PHF14: variants seen among roughly 807,000 people sequenced by gnomAD.
PHF14 encodes PHD finger protein 14.
Under a neutral mutation model 117.9 loss-of-function variants are expected in PHF14, and 55 were observed. The observed-to-expected ratio is 0.47, with a 90% CI of 0.38 to 0.58. The LOEUF (loss-of-function observed/expected upper bound fraction) is 0.58. Ranked by LOEUF, PHF14 falls within the 20% of genes least tolerant of loss-of-function variation. The probability of loss-of-function intolerance (pLI) is 0.00; values close to 1 mark genes in which losing one functional copy is unlikely to be tolerated. For missense variants in PHF14, 978 were observed against 1,122.2 expected, an observed-to-expected ratio of 0.87 and a Z score of 1.84; for synonymous variants, 409 against 368.6, an observed-to-expected ratio of 1.11 and a Z score of -1.26.
At position 11,133,390 on chromosome 7, in the gene PHF14, C is replaced by T. The variant is rs556396339; in HGVS notation, c.2772+21923C>T. On this transcript the variant is annotated intron_variant, in intron 17 of 17. Coordinates refer to ENST00000634607, the MANE Select transcript of PHF14 (RefSeq NM_001007157.2). ...CAGAATAGAGAGCCCAGAGATAGAC[C>T]CACATAAGTATAGTTAACTGATACT... Among the ~76,000 whole-genome samples, 7 of 151,862 alleles carry T rather than the reference C, an allele frequency of 4.6e-5. No homozygotes were observed. The South Asian group carries it at 1.5e-3, about 32-fold the overall frequency.
intron 7 of PHF14, 50 bp downstream of exon 7, chr7:11,028,868 T>G (rs757894432): frequency 2.0e-6 from 3 of 1,484,476 alleles, no homozygotes; most frequent in Non-Finnish European, 2.8e-6. Flanking sequence ...AAGATATCTT[T>G]TGACTCTATG....
intron 16 of PHF14, chr7:11,063,596 T>A (rs1186876034): frequency 2.1e-6 from 1 of 468,236 alleles, no homozygotes; most frequent in Non-Finnish European, 2.8e-6. Context: ...GTCTTACTAA[T>A]TTTTTTTTTT....
intron 4 of PHF14, among the ~76,000 whole-genome samples, chr7:10,996,822 A>T (rs1160081669): frequency 7.2e-5 from 11 of 152,192 alleles, no homozygotes; most frequent in Non-Finnish European, 1.5e-4. Flanking sequence ...ACCAGAGCCC[A>T]CAAGATAGGT....
rs1451416998 is a variant in PHF14, at chr7:10,988,619, A to G, written c.901-2084A>G. Among the ~76,000 whole-genome samples, 7 of 149,058 alleles carry G rather than the reference A, an allele frequency of 4.7e-5. No individual in the cohort carries two copies. In the South Asian group the frequency reaches 1.3e-3, roughly 27 times the overall value. On this transcript the variant is annotated intron_variant, in intron 3 of 17. Coordinates refer to ENST00000634607, the MANE Select transcript of PHF14 (RefSeq NM_001007157.2). ...TTACCGTGGGGATGATATTTAAAGT[A>G]GTAGTGCTCATTGGAGCTTGCAACT...
At chr7:11,138,907 A>G (rs1002392065) in intron 17 of PHF14, among the ~76,000 whole-genome samples, 2 of 152,106 alleles carry the variant, frequency 1.3e-5, no homozygotes, top group African/African-American at 2.4e-5. Context: ...TGGTTGTTAC[A>G]TTTTTTTCCT....
chr7:11,093,257 A>G (rs891950990), intron 16 of PHF14, among the ~76,000 whole-genome samples: 2 of 152,136 alleles, frequency 1.3e-5, no homozygotes, highest in Non-Finnish European at 1.5e-5. Context: ...GTTTCTTGAC[A>G]GTGGATTTTC....
At chr7:11,024,433 C>G (rs1449819104) in intron 6 of PHF14, among the ~76,000 whole-genome samples, 3 of 152,182 alleles carry the variant, frequency 2.0e-5, no homozygotes, top group African/African-American at 4.8e-5. Context: ...AAACAGTCTT[C>G]TATTGGAAGA....
rs2128308232 is a variant in PHF14 at position 10,983,014 on chromosome 7, A to T, written c.755A>T (p.Asp252Val). ...EGSGSDEDEN[D>V]EGNDEDHSSP... ...AGCGGGAGTGATGAAGACGAGAATG[A>T]TGAAGGCAATGATGAAGATCATAGT... The change falls in exon 3 of 18, where the codon GAT becomes GTT. Residue 252 changes from aspartate to valine, a missense_variant. Coordinates refer to ENST00000634607, the MANE Select transcript of PHF14 (RefSeq NM_001007157.2). 1 of 1,584,472 alleles carries T rather than the reference A, an allele frequency of 6.3e-7. No homozygotes were observed. Among genetic ancestry groups the T allele is most frequent in the African/African-American group, 1.3e-5 (1 of 74,654 alleles).
chr7:11,020,723 T>C (rs1783705885), intron 5 of PHF14, among the ~76,000 whole-genome samples: 1 of 152,138 alleles, frequency 6.6e-6, no homozygotes, highest in Admixed American at 6.6e-5. Context: ...TTAGTAAGTC[T>C]TAGTTCTGTC....
At chr7:11,062,314 A>G (rs1785253444) in intron 16 of PHF14, 1 of 309,752 alleles carries the variant, frequency 3.2e-6, no homozygotes, top group Non-Finnish European at 5.8e-6. Context: ...TAACACAGGG[A>G]ATTATTTTTC....
At chr7:11,136,423 T>C (rs1788222496) in intron 17 of PHF14, among the ~76,000 whole-genome samples, 1 of 152,190 alleles carries the variant, frequency 6.6e-6, no homozygotes, top group African/African-American at 2.4e-5. Flanking sequence ...ACAAATAATA[T>C]AATTACCAGA....
chr7:11,008,449 C>G (rs1473001834), intron 4 of PHF14, among the ~76,000 whole-genome samples: 3 of 152,120 alleles, frequency 2.0e-5, no homozygotes, highest in Non-Finnish European at 4.4e-5. Context: ...AACTCCACCT[C>G]CTGTCGGATC....
intron 16 of PHF14, among the ~76,000 whole-genome samples, chr7:11,078,061 C>T (rs188190587): frequency 1.2e-4 from 19 of 152,214 alleles, no homozygotes; most frequent in Non-Finnish European, 2.2e-4. Flanking sequence ...TTAGTTCACA[C>T]TGTGGTATTT....
chr7:11,011,397 A>G (rs1014371716), intron 4 of PHF14, among the ~76,000 whole-genome samples: 6 of 152,234 alleles, frequency 3.9e-5, no homozygotes, highest in African/African-American at 1.4e-4. Flanking sequence ...TACATTGGAT[A>G]TATATAAACT....
At chr7:11,066,365 T>G (rs1785423561) in intron 16 of PHF14, among the ~76,000 whole-genome samples, 1 of 152,210 alleles carries the variant, frequency 6.6e-6, no homozygotes, top group African/African-American at 2.4e-5. Context: ...GCTCAAGCAA[T>G]CCTCTCACCT....
At chr7:10,996,847 A>G (rs1197070839) in intron 4 of PHF14, among the ~76,000 whole-genome samples, 2 of 152,222 alleles carry the variant, frequency 1.3e-5, no homozygotes, top group Non-Finnish European at 2.9e-5. Flanking sequence ...AGGGCCAAAG[A>G]TAGGCACACT....
At chr7:11,018,859 A>G (rs1783624044) in intron 5 of PHF14, among the ~76,000 whole-genome samples, 1 of 152,120 alleles carries the variant, frequency 6.6e-6, no homozygotes, top group Non-Finnish European at 1.5e-5. Flanking sequence ...CCCATTCAGT[A>G]CGATACTAGC....
chr7:11,074,091 C>T (rs1562452120), intron 16 of PHF14, among the ~76,000 whole-genome samples: 1 of 152,166 alleles, frequency 6.6e-6, no homozygotes, highest in Non-Finnish European at 1.5e-5. Context: ...CAATGCCTTT[C>T]CCCCATGTCT....
In PHF14 at chr7:11,056,388, A is replaced by G. The variant is rs180788644; in HGVS notation, c.2481+4608A>G. ...TAGAATACATATTTTATTATATATC[A>G]TTAGACCCATAGTTATTTCAGTTTA... On this transcript the variant is annotated intron_variant, in intron 14 of 17. Transcript: ENST00000634607. Among the ~76,000 whole-genome samples the G allele has an allele frequency of 6.0e-5, 8 of 132,232 alleles. No individual in the cohort carries two copies. In the East Asian group the frequency reaches 2.4e-3, roughly 39 times the overall value. 86.7% of individuals were successfully genotyped at this position (132,232 alleles called of 152,430 possible).
Sources: allele counts gnomAD v4.1 joint callset (sites outside exome capture counted in the v4.1 genomes callset), GRCh38; gene constraint gnomAD v4.1.1; transcripts MANE v1.5; gene names NCBI Gene and HGNC (gene_info 2026-07-23, HGNC 2026-07-21).